CABLES1: variants seen among roughly 807,000 people sequenced by gnomAD.
The protein encoded by CABLES1 is Cdk5 and Abl enzyme substrate 1.
A neutral mutation model predicts 57.8 loss-of-function variants in CABLES1; 36 were observed. The observed-to-expected ratio is 0.62, with a 90% CI of 0.48 to 0.82. The LOEUF is 0.82. Ranked by LOEUF, CABLES1 falls within the 40% of genes least tolerant of loss-of-function variation. CABLES1 has a pLI of 0.00. For missense variants in CABLES1, 767 were observed against 836.6 expected, an observed-to-expected ratio of 0.92 and a Z score of 1.03; for synonymous variants, 374 against 363.0, an observed-to-expected ratio of 1.03 and a Z score of -0.35.
intron 1 of CABLES1, among the ~76,000 whole-genome samples, chr18:23,144,579 G>A (rs781664023): frequency 1.2e-4 from 18 of 152,208 alleles, no homozygotes; most frequent in African/African-American, 3.1e-4. Context: ...TTTTATTTGC[G>A]TGGCAGTCTG....
intron 1 of CABLES1, among the ~76,000 whole-genome samples, chr18:23,168,667 G>A (rs1285460149): frequency 1.3e-5 from 2 of 152,222 alleles, no homozygotes; most frequent in African/African-American, 4.8e-5. Flanking sequence ...GAGCAAAGCT[G>A]CGTCCCAGGC....
At chr18:23,221,034 C>T (rs982485704) in intron 4 of CABLES1, among the ~76,000 whole-genome samples, 1 of 152,154 alleles carries the variant, frequency 6.6e-6, no homozygotes, top group Non-Finnish European at 1.5e-5. Context: ...ACCTTTTCCC[C>T]GATACACCCA....
intron 7 of CABLES1, 129 bp from the exon 8 acceptor site, chr18:23,252,831 T>C (rs1417201892): frequency 1.3e-5 from 8 of 617,562 alleles, no homozygotes; most frequent in Admixed American, 1.0e-4. Flanking sequence ...CGAGCCCTTG[T>C]TGTAGCTCCA....
chr18:23,150,486 G>A (rs973361349), intron 1 of CABLES1, among the ~76,000 whole-genome samples: 1 of 152,122 alleles, frequency 6.6e-6, no homozygotes, highest in Non-Finnish European at 1.5e-5. Flanking sequence ...AAAGTGCTGG[G>A]ATTACAGCCG....
At chr18:23,254,136 C>G (rs1433051498) in intron 9 of CABLES1, among the ~76,000 whole-genome samples, 200 bp downstream of exon 9, 1 of 152,162 alleles carries the variant, frequency 6.6e-6, no homozygotes, top group Non-Finnish European at 1.5e-5. Flanking sequence ...TTGACAAGAC[C>G]AAAGCTCCTC....
Position 23,168,301 on chromosome 18 carries a change from T to G in CABLES1, c.846-20537T>G, listed in dbSNP as rs552269598. ...TTAGCCTTAAAAAGGAAAGAAATTC[T>G]GACACATGCAGCAACGCAGATGAAC... On this transcript the variant is annotated intron_variant, in intron 1 of 9. Coordinates refer to ENST00000256925, the MANE Select transcript of CABLES1 (RefSeq NM_001100619.3). 2.6e-5 allele frequency among the ~76,000 whole-genome samples: 4 copies of G among 152,358 alleles called. No homozygotes were observed. The East Asian group carries it at 5.8e-4, about 22-fold the overall frequency.
At chr18:23,156,315 G>A (rs180695132) in intron 1 of CABLES1, among the ~76,000 whole-genome samples, 58 of 152,306 alleles carry the variant, frequency 3.8e-4, no homozygotes, top group African/African-American at 1.4e-3. Context: ...AGGGACGAGA[G>A]CCCTTGTCTC....
intron 4 of CABLES1, chr18:23,227,079 A>G (rs1055611571): frequency 6.6e-6 from 1 of 152,040 alleles, no homozygotes; most frequent in African/African-American, 2.4e-5. Context: ...CAGCTTCCAC[A>G]TGGTGTTTAT....
rs191862855 is a variant in CABLES1, at chr18:23,258,308, G to C, written c.*941G>C. 1.3e-5 allele frequency: 2 copies of C among 152,754 alleles called. No individual in the cohort carries two copies. The highest frequency in any genetic ancestry group is 1.3e-4 in the Admixed American group (2 of 15,304). The allele number at this position is 152,754 out of a possible 1,614,324, so 9.5% of individuals were successfully genotyped here. ...AGAGTGCATCAGAAGCACATTTACT[G>C]TGCTATCTATATCGCTATATAAAAG... On this transcript the variant is annotated 3_prime_UTR_variant, in exon 10 of 10. Transcript: ENST00000256925.
At chr18:23,242,609 T>A (rs1449405687) in intron 7 of CABLES1, among the ~76,000 whole-genome samples, 1 of 152,210 alleles carries the variant, frequency 6.6e-6, no homozygotes, top group Non-Finnish European at 1.5e-5. Flanking sequence ...AGAGCTGAGA[T>A]AATGCCAACA....
intron 1 of CABLES1, among the ~76,000 whole-genome samples, chr18:23,160,199 G>A (rs1487660067): frequency 2.0e-5 from 3 of 151,692 alleles, no homozygotes; most frequent in Admixed American, 1.3e-4. Context: ...CACCACACCC[G>A]GCTGATTTTT....
chr18:23,253,072 G>A lies in CABLES1; in HGVS notation c.1553+6G>A. 6.4e-7 allele frequency: 1 copy of A among 1,573,440 alleles called. No homozygotes were observed. The highest frequency in any genetic ancestry group is 8.7e-7 in the Non-Finnish European group (1 of 1,143,094). ...ACACTCAGCAAAATTAGGAGGTACG[G>A]GAGGCTGGACTTGCCTGTGACCTTT... On this transcript the variant is annotated splice_donor_region_variant and intron_variant, in intron 8 of 9. Transcript: ENST00000256925.
At chr18:23,212,145 G>A (rs897147960) in intron 3 of CABLES1, among the ~76,000 whole-genome samples, 1 of 152,250 alleles carries the variant, frequency 6.6e-6, no homozygotes, top group African/African-American at 2.4e-5. Context: ...GAGCAGGCCT[G>A]GGTATTTAGC....
At chr18:23,210,255 T>C (rs2047395380) in intron 3 of CABLES1, among the ~76,000 whole-genome samples, 2 of 152,218 alleles carry the variant, frequency 1.3e-5, no homozygotes, top group South Asian at 2.1e-4. Flanking sequence ...GAAGTCATAA[T>C]CTTTCACGTA....
chr18:23,197,553 A>T (rs2047293525), intron 3 of CABLES1: 1 of 152,486 alleles, frequency 6.6e-6, no homozygotes, highest in South Asian at 2.1e-4. Flanking sequence ...GGCCAGGTGG[A>T]GGCTAAGGAG....
chr18:23,246,265 CAA>C (rs111345466), intron 7 of CABLES1, among the ~76,000 whole-genome samples: 1 of 140,724 alleles, frequency 7.1e-6, no homozygotes, highest in Non-Finnish European at 1.5e-5. Context: ...GACTCCATCT[CAA>C]AAAAAAAAAA....
chr18:23,200,184 A>AGAAT (rs2047313569), intron 3 of CABLES1, among the ~76,000 whole-genome samples: 1 of 152,166 alleles, frequency 6.6e-6, no homozygotes. Context: ...AGTGCCATGG[A>AGAAT]GAATGAATGA....
At chr18:23,196,307 C>T (rs1254447377) in intron 3 of CABLES1, among the ~76,000 whole-genome samples, 1 of 152,156 alleles carries the variant, frequency 6.6e-6, no homozygotes, top group Non-Finnish European at 1.5e-5. Context: ...GTGGGAACCG[C>T]AGGCTGTAGG....
At chr18:23,198,795 GCTCTGCTAACAC>G (rs2047303166) in intron 3 of CABLES1, among the ~76,000 whole-genome samples, 1 of 152,372 alleles carries the variant, frequency 6.6e-6, no homozygotes, top group African/African-American at 2.4e-5. Context: ...ATGGGAACCA[GCTCTGCTAACAC>G]CTCGGTTTTA....
Sources: allele counts gnomAD v4.1 joint callset (sites outside exome capture counted in the v4.1 genomes callset), GRCh38; gene constraint gnomAD v4.1.1; transcripts MANE v1.5; gene names NCBI Gene and HGNC (gene_info 2026-07-23, HGNC 2026-07-21).